MYRF: variants seen among roughly 807,000 people sequenced by gnomAD.
MYRF encodes the protein myelin regulatory factor, also known as myelin gene regulatory factor.
Under a neutral mutation model 126.3 loss-of-function variants are expected in MYRF, and 16 were observed. That is an observed-to-expected ratio of 0.13 (90% CI 0.09 to 0.19). The LOEUF (loss-of-function observed/expected upper bound fraction) is 0.19, where lower values mean the gene tolerates loss of function less well. Ranked by LOEUF, MYRF falls within the 10% of genes least tolerant of loss-of-function variation. MYRF has a pLI of 1.00. For synonymous variants in MYRF, 608 were observed against 635.3 expected, an observed-to-expected ratio of 0.96 and a Z score of 0.65; for missense variants, 1,104 against 1,547.0, an observed-to-expected ratio of 0.71 and a Z score of 4.80.
At position 61,783,703 on chromosome 11, in the gene MYRF, C is replaced by G; in HGVS notation, c.3119+103C>G. 7.3e-7 allele frequency: 1 copy of G among 1,366,970 alleles called. No homozygotes were observed. The highest frequency in any genetic ancestry group is 1.8e-5 in the Admixed American group (1 of 54,354). 84.7% of individuals were successfully genotyped at this position (1,366,970 alleles called of 1,614,324 possible). On this transcript the variant is annotated intron_variant, in intron 23 of 26. Coordinates refer to ENST00000278836, the MANE Select transcript of MYRF (RefSeq NM_001127392.3). The surrounding 1 kb of genome is among the most constrained non-coding windows in gnomAD (Gnocchi z 4.6). Reference sequence around the variant, plus strand: ...TGCCCTTTCAGGGAGGAGCCTCCCCCATAAGGAAGGGTAGCCCCTTTCCAG... The same window carrying G: ...TGCCCTTTCAGGGAGGAGCCTCCCCGATAAGGAAGGGTAGCCCCTTTCCAG...
intron 1 of MYRF, among the ~76,000 whole-genome samples, chr11:61,753,000 C>G (rs999895565): frequency 1.3e-5 from 2 of 152,014 alleles, no homozygotes; most frequent in Non-Finnish European, 2.9e-5. Flanking sequence ...TCCCCCTCCC[C>G]GCTCCTCAAC....
intron 24 of MYRF, 83 bp from the exon 25 acceptor site, chr11:61,784,197 G>A: frequency 1.5e-6 from 2 of 1,298,826 alleles, no homozygotes; most frequent in Non-Finnish European, 2.2e-6. Context: ...GAGATTCAGA[G>A]GCGTGTGGCA....
chr11:61,766,059 G>C lies in MYRF; in HGVS notation c.236G>C (p.Gly79Ala). 1 of 1,604,336 alleles carries C rather than the reference G, an allele frequency of 6.2e-7. No individual in the cohort carries two copies. The highest frequency in any genetic ancestry group is 8.5e-7 in the Non-Finnish European group (1 of 1,178,132). ...GGGGTCCACCACCTGAGCCCCCCTG[G>C]GGGTGGACCCTCCCCGGGGCGCCAT... The part of the protein sequence containing the change: ...SSGVHHLSPP[G>A]GGPSPGRHGP... The change falls in exon 3 of 27, where the codon GGG (glycine) becomes GCG (alanine). Residue 79 changes from glycine (G) to alanine (A), a missense_variant. Physicochemically the swap from Gly to Ala is moderately conservative, Grantham distance 60. Around this residue, in one of 10 missense-constraint regions of MYRF, gnomAD observed 368 missense variants for 403.9 expected, o/e 0.91. Coordinates refer to ENST00000278836, the MANE Select transcript of MYRF (RefSeq NM_001127392.3).
intron 1 of MYRF, among the ~76,000 whole-genome samples, chr11:61,756,593 G>A (rs947907200): frequency 1.3e-5 from 2 of 148,590 alleles, no homozygotes; most frequent in Non-Finnish European, 3.0e-5. Context: ...TCATCCCCAT[G>A]TCCCCAGCAC....
At chr11:61,780,879 T>A (rs1173389298) in intron 19 of MYRF, 81 bp from the exon 20 acceptor site, 17 of 1,585,270 alleles carry the variant, frequency 1.1e-5, no homozygotes, top group Admixed American at 1.7e-5. Flanking sequence ...CTTCCTGCCC[T>A]CCTGCCTCTC....
chr11:61,781,386 G>A, intron 21 of MYRF, 57 bp downstream of exon 21: 1 of 1,589,224 alleles, frequency 6.3e-7, no homozygotes, highest in South Asian at 1.1e-5. Flanking sequence ...AGAGAGAAAG[G>A]CCCAAATACT....
chr11:61,788,037 A>T lies in MYRF; in HGVS notation c.*1894A>T, dbSNP rs1414975324. 1 of 152,726 alleles carries T rather than the reference A, an allele frequency of 6.5e-6. No individual in the cohort carries two copies. Among genetic ancestry groups the T allele is most frequent in the East Asian group, 1.9e-4 (1 of 5,278 alleles). 9.5% of individuals were successfully genotyped at this position (152,726 alleles called of 1,614,324 possible). ...GGGATCCAAGCTGCTTGAGGGGGTCAACCTTGGACCAAAGTTGCCTTAAGC... is the reference window on the plus strand; with the variant it reads ...GGGATCCAAGCTGCTTGAGGGGGTCTACCTTGGACCAAAGTTGCCTTAAGC... On this transcript the variant is annotated 3_prime_UTR_variant, in exon 27 of 27. Transcript: ENST00000278836.
intron 17 of MYRF, 57 bp from the exon 18 acceptor site, chr11:61,780,165 G>T (rs2066501748): frequency 1.3e-6 from 2 of 1,586,148 alleles, no homozygotes; most frequent in South Asian, 1.1e-5. Context: ...TTGTCCTAGA[G>T]AGAGGGCACT....
Position 61,786,444 on chromosome 11 carries a change from T to G in MYRF, c.*301T>G. On this transcript the variant is annotated 3_prime_UTR_variant, in exon 27 of 27. Transcript: ENST00000278836. The surrounding 1 kb of genome is among the most constrained non-coding windows in gnomAD (Gnocchi z 4.5). Reference sequence around the variant, plus strand: ...CAGATATGGTGGTTGGAGGGCTGGTTCAGGTGCCCTGGAGGGAAGGGGAAG... The same window carrying G: ...CAGATATGGTGGTTGGAGGGCTGGTGCAGGTGCCCTGGAGGGAAGGGGAAG... The G allele has an allele frequency of 9.3e-6, 4 of 431,296 alleles. No homozygotes were observed. Among genetic ancestry groups the G allele is most frequent in the Non-Finnish European group, 1.7e-5 (4 of 233,848 alleles). The allele number at this position is 431,296 out of a possible 1,614,324, so 26.7% of individuals were successfully genotyped here. A position where few individuals can be genotyped will look rare whatever the true frequency, so the allele number is the denominator to read the frequency against.
chr11:61,775,901 A>G (rs1054806675), intron 8 of MYRF, among the ~76,000 whole-genome samples, 155 bp from the exon 9 acceptor site: 22 of 151,824 alleles, frequency 1.4e-4, no homozygotes, highest in African/African-American at 5.3e-4. Context: ...ACCATGCAGA[A>G]GGCATCTGAG....
In MYRF at chr11:61,780,089, C is replaced by T. The variant is rs556876114; in HGVS notation, c.2337-133C>T. On this transcript the variant is annotated intron_variant, in intron 17 of 26. Transcript: ENST00000278836. ...TGAGGTGGGCCTTTCTGCCTCTTCC[C>T]CTCTGGGGTGACCCATTTTGTAGGC... is the stretch of plus-strand genomic sequence containing the variant. 3.6e-5 allele frequency: 45 copies of T among 1,260,512 alleles called. No individual in the cohort carries two copies. The South Asian group carries it at 5.5e-4, about 16-fold the overall frequency. 78.1% of individuals were successfully genotyped at this position (1,260,512 alleles called of 1,614,324 possible).
intron 3 of MYRF, chr11:61,766,569 C>T (rs1447971312): frequency 1.4e-5 from 4 of 284,328 alleles, no homozygotes; most frequent in South Asian, 1.4e-4. Context: ...CCCGTGCACG[C>T]GCGCCAAGCC....
At chr11:61,766,889 C>T (rs1239774466) in intron 3 of MYRF, 6 of 392,104 alleles carry the variant, frequency 1.5e-5, no homozygotes, top group African/African-American at 4.1e-5. Flanking sequence ...ATGTAGGGGC[C>T]CCTGTCTCTG....
rs1011654700 is a variant in MYRF, at chr11:61,778,899, C to T, written c.2014-364C>T. The T allele has an allele frequency of 3.5e-6, 2 of 564,618 alleles. No homozygotes were observed. The highest frequency in any genetic ancestry group is 4.2e-5 in the East Asian group (1 of 23,740). The allele number at this position is 564,618 out of a possible 1,614,324, so 35.0% of individuals were successfully genotyped here. ...AGGAGGCATGTAATAGGTCTCCACCCCAGCTGAATAGTGAAGTGCTGACAT... is the reference window on the plus strand; with the variant it reads ...AGGAGGCATGTAATAGGTCTCCACCTCAGCTGAATAGTGAAGTGCTGACAT... On this transcript the variant is annotated intron_variant, in intron 14 of 26. Coordinates refer to ENST00000278836, the MANE Select transcript of MYRF (RefSeq NM_001127392.3). The surrounding 1 kb of genome is among the most constrained non-coding windows in gnomAD (Gnocchi z 4.6).
chr11:61,775,523 C>T (rs1294193661), intron 8 of MYRF, among the ~76,000 whole-genome samples: 1 of 152,176 alleles, frequency 6.6e-6, no homozygotes, highest in Non-Finnish European at 1.5e-5. Context: ...CTGGGTCTGT[C>T]GGCTTCGGTG....
At position 61,783,752 on chromosome 11, in the gene MYRF, C is replaced by T. The variant is rs1438835524; in HGVS notation, c.3120-99C>T. ...AGGCTACCCTTGGACACTGTCTCTT[C>T]TGGAGGGCTCCAGTACAGATTGGGG... On this transcript the variant is annotated intron_variant, in intron 23 of 26. Transcript: ENST00000278836. This position sits in a 1 kb window ranked among gnomAD's most constrained non-coding sequence, Gnocchi z 4.6. 2 of 1,392,258 alleles carry T rather than the reference C, an allele frequency of 1.4e-6. No individual in the cohort carries two copies. 86.2% of individuals were successfully genotyped at this position (1,392,258 alleles called of 1,614,324 possible).
intron 3 of MYRF, chr11:61,768,429 G>A (rs764187057): frequency 3.3e-5 from 5 of 152,266 alleles, no homozygotes; most frequent in African/African-American, 7.2e-5. Flanking sequence ...CCCCATACAC[G>A]TTTTTGTATC....
At position 61,781,735 on chromosome 11, in the gene MYRF, C is replaced by T. The variant is rs1466561003; in HGVS notation, c.2927C>T (p.Pro976Leu). The T allele has an allele frequency of 1.2e-6, 2 of 1,612,860 alleles. No individual in the cohort carries two copies. The highest frequency in any genetic ancestry group is 1.7e-6 in the Non-Finnish European group (2 of 1,179,826). The change falls in exon 22 of 27, where the codon CCC becomes CTC. Residue 976 changes from proline (P) to leucine (L), a missense_variant. Coordinates refer to ENST00000278836, the MANE Select transcript of MYRF (RefSeq NM_001127392.3). ...PGGQGKAKNS[P>L]SLGFHGRARR... The stretch of plus-strand genomic sequence containing the variant: ...GGGCAGGGCAAAGCCAAGAACAGTC[C>T]CAGCCTTGGTTTCCATGGCCGGGCC...
chr11:61,775,885 G>T (rs545554662), intron 8 of MYRF, among the ~76,000 whole-genome samples, 171 bp from the exon 9 acceptor site: 53 of 151,968 alleles, frequency 3.5e-4, no homozygotes, highest in Non-Finnish European at 4.9e-4. Flanking sequence ...GGTGTGGGGG[G>T]GTGTGACCAT....
Sources: gnomAD v4.1 joint callset for allele counts (sites outside exome capture counted in the v4.1 genomes callset) on GRCh38, gnomAD v4.1.1 for gene constraint, gnomAD v4.1.1 regional missense constraint, Gnocchi (gnomAD v3.1) non-coding constraint, MANE v1.5 for transcripts, NCBI Gene and HGNC (gene_info 2026-07-23, HGNC 2026-07-21) for gene names.